Variants in TRDN observed in about 807,000 individuals in gnomAD.
TRDN encodes the protein triadin, also known as triadin in skeletal muscle.
TRDN carries 161 observed loss-of-function variants against 149.7 expected under a neutral mutation model. That is an observed-to-expected ratio of 1.08 (90% CI 0.95 to 1.23). The LOEUF (loss-of-function observed/expected upper bound fraction) is 1.23, where lower values mean the gene tolerates loss of function less well. Among genes scored for constraint, TRDN ranks in the 50% most tolerant of loss-of-function variants. TRDN has a pLI of 0.00. For synonymous variants in TRDN, 294 were observed against 250.5 expected (o/e 1.17, Z -1.64); for missense variants, 896 against 823.5 (o/e 1.09, Z -1.08).
intron 16 of TRDN, 31 bp from the exon 17 acceptor site, chr6:123,377,929 A>G (rs1781572206): frequency 2.0e-5 from 27 of 1,380,028 alleles, no homozygotes; most frequent in Non-Finnish European, 2.6e-5. Context: ...TATTATTATT[A>G]TCGTTATTAT....
At chr6:123,583,974 A>C (rs370290697) in intron 1 of TRDN, 164 of 232,378 alleles carry the variant, frequency 7.1e-4, no homozygotes, top group African/African-American at 2.8e-3. Flanking sequence ...AAGAGGCGGG[A>C]TAGTGGCTTG....
At chr6:123,319,393 G>A (rs1239985991) in intron 23 of TRDN, among the ~76,000 whole-genome samples, 4 of 151,774 alleles carry the variant, frequency 2.6e-5, no homozygotes, top group Admixed American at 2.6e-4. Flanking sequence ...TGACAGTAAA[G>A]TATTTTTTGA....
At position 123,350,777 on chromosome 6, in the gene TRDN, G is replaced by A. The variant is rs758614481; in HGVS notation, c.1369+1762C>T. The A allele has an allele frequency of 5.6e-4, 542 of 968,054 alleles. 1 individual carries two copies. The highest frequency in any genetic ancestry group is 6.4e-4 in the Non-Finnish European group (519 of 814,428). 60.0% of individuals were successfully genotyped at this position (968,054 alleles called of 1,614,324 possible). A position where few individuals can be genotyped will look rare whatever the true frequency, so the allele number is the denominator to read the frequency against. ...ATTTAAAATTGAAATGATTTACCAA[G>A]TCAATATAAAAATAGCCATTGAAAG... is the stretch of plus-strand genomic sequence containing the variant. On this transcript the variant is annotated intron_variant, in intron 21 of 40. Coordinates refer to ENST00000334268, the MANE Select transcript of TRDN (RefSeq NM_006073.4).
Position 123,444,667 on chromosome 6 carries a change from T to C in TRDN, c.932-5664A>G, listed in dbSNP as rs1016811051. On this transcript the variant is annotated intron_variant, in intron 10 of 40. Transcript: ENST00000334268. ...ATATTGGCTGTGGGTTTGTCATAGA[T>C]AGCTCTTATTATTTTGAAATACGGC... 7.8e-4 allele frequency among the ~76,000 whole-genome samples: 118 copies of C among 152,022 alleles called. 1 individual carries two copies. Among genetic ancestry groups the C allele is most frequent in the Admixed American group, 7.5e-3 (115 of 15,266 alleles).
intron 18 of TRDN, among the ~76,000 whole-genome samples, chr6:123,376,709 G>A (rs1781520832): frequency 6.6e-6 from 1 of 152,148 alleles, no homozygotes; most frequent in Non-Finnish European, 1.5e-5. Context: ...CTTTAAAAAT[G>A]AATAATAAAT....
chr6:123,423,770 G>T (rs979574563), intron 12 of TRDN, among the ~76,000 whole-genome samples: 1 of 152,008 alleles, frequency 6.6e-6, no homozygotes, highest in African/African-American at 2.4e-5. Context: ...ATTTTATGGG[G>T]CAGCATTATT....
At chr6:123,293,968 G>A (rs1778100860) in intron 24 of TRDN, among the ~76,000 whole-genome samples, 1 of 152,104 alleles carries the variant, frequency 6.6e-6, no homozygotes, top group African/African-American at 2.4e-5. Flanking sequence ...ACCTTGGGGA[G>A]GCTTTGTCTA....
intron 1 of TRDN, among the ~76,000 whole-genome samples, chr6:123,624,024 A>T (rs1583340787): frequency 6.6e-6 from 1 of 152,202 alleles, no homozygotes; most frequent in Non-Finnish European, 1.5e-5. Flanking sequence ...AGAGAGTTAC[A>T]TATACAATTA....
chr6:123,580,752 A>G (rs1262270306), intron 1 of TRDN, among the ~76,000 whole-genome samples: 1 of 152,208 alleles, frequency 6.6e-6, no homozygotes, highest in Non-Finnish European at 1.5e-5. Context: ...AACTGCTTAG[A>G]GTTCTTCTCT....
chr6:123,269,594 G>C (rs1777132674), intron 31 of TRDN, among the ~76,000 whole-genome samples: 1 of 151,718 alleles, frequency 6.6e-6, no homozygotes, highest in Non-Finnish European at 1.5e-5. Context: ...TCATTAATTA[G>C]TAGTGATTTA....
chr6:123,534,549 T>G (rs531306916), intron 4 of TRDN, among the ~76,000 whole-genome samples: 12 of 152,268 alleles, frequency 7.9e-5, no homozygotes, highest in African/African-American at 2.9e-4. Flanking sequence ...GTTACTAATT[T>G]AGACTTTGGA....
chr6:123,634,604 G>A (rs1021349424), intron 1 of TRDN, among the ~76,000 whole-genome samples: 1 of 151,898 alleles, frequency 6.6e-6, no homozygotes, highest in Non-Finnish European at 1.5e-5. Context: ...CACAAAAGGT[G>A]AGAATTGCAA....
Position 123,636,865 on chromosome 6 carries a change from G to C in TRDN, c.-90C>G, listed in dbSNP as rs1256654382. ...GGGGATTTGAGAACTCTGGTGGAGG[G>C]TTCTGTGTCAAAACCTGGGGGCTCT... On this transcript the variant is annotated 5_prime_UTR_variant, in exon 1 of 41. Transcript: ENST00000334268. 1.3e-6 allele frequency: 2 copies of C among 1,504,306 alleles called. No homozygotes were observed. Among genetic ancestry groups the C allele is most frequent in the East Asian group, 4.5e-5 (2 of 43,976 alleles). 93.2% of individuals were successfully genotyped at this position (1,504,306 alleles called of 1,614,324 possible).
At chr6:123,433,162 A>ATATAAT (rs796874348) in intron 12 of TRDN, among the ~76,000 whole-genome samples, 5,750 of 79,310 alleles carry the variant, frequency 0.073, 237 homozygotes, top group Non-Finnish European at 0.1. Flanking sequence ...ATATATATAT[A>ATATAAT]ATATATATAT....
intron 37 of TRDN, among the ~76,000 whole-genome samples, chr6:123,254,447 G>A (rs926523627): frequency 1.3e-5 from 2 of 151,922 alleles, no homozygotes; most frequent in African/African-American, 4.8e-5. Context: ...AATGAAAATA[G>A]TTGTCTTAGT....
At chr6:123,453,745 C>T (rs1321650652) in intron 10 of TRDN, among the ~76,000 whole-genome samples, 1 of 151,938 alleles carries the variant, frequency 6.6e-6, no homozygotes, top group Non-Finnish European at 1.5e-5. Context: ...TCCAGCAATC[C>T]CACTACTGAG....
In TRDN at chr6:123,218,775, G is replaced by A. The variant is rs545087552; in HGVS notation, c.2051-35C>T. ...AGAGCATGACAGTTTGTTAAAACAT[G>A]CAGAACATGAGCAAAAAAGCACAGT... On this transcript the variant is annotated intron_variant, in intron 40 of 40. Transcript: ENST00000334268. 2.3e-5 allele frequency: 36 copies of A among 1,546,352 alleles called. No individual in the cohort carries two copies. In the South Asian group the frequency reaches 3.8e-4, roughly 16 times the overall value.
chr6:123,568,674 T>G (rs1231042166), intron 2 of TRDN, among the ~76,000 whole-genome samples: 1 of 152,194 alleles, frequency 6.6e-6, no homozygotes, highest in African/African-American at 2.4e-5. Flanking sequence ...TGTGGCCTTT[T>G]AAGCCACAGC....
At chr6:123,516,053 C>A in intron 6 of TRDN, 88 bp downstream of exon 6, 1 of 1,233,748 alleles carries the variant, frequency 8.1e-7, no homozygotes, top group Non-Finnish European at 1.0e-6. Context: ...TGTAAAACTG[C>A]GTGGTCATCT....
Sources: gnomAD v4.1 joint callset for allele counts (sites outside exome capture counted in the v4.1 genomes callset) on GRCh38, gnomAD v4.1.1 for gene constraint, MANE v1.5 for transcripts, NCBI Gene and HGNC (gene_info 2026-07-23, HGNC 2026-07-21) for gene names.